Variants in CATSPERT observed in about 807,000 individuals in gnomAD.
CATSPERT encodes cation channel sperm-associated targeting subunit tau.
the CATSPERT span, among the ~76,000 whole-genome samples, chr2:201,581,591 T>TATATAC: frequency 8.4e-4 from 38 of 45,338 alleles, 1 homozygote; most frequent in South Asian, 1.9e-3. Flanking sequence ...TATATATATA[T>TATATAC]ATACACATAC....
the CATSPERT span, among the ~76,000 whole-genome samples, chr2:201,588,431 T>G: frequency 6.6e-6 from 1 of 151,622 alleles, no homozygotes; most frequent in Non-Finnish European, 1.5e-5. Flanking sequence ...ATGCAGCTAT[T>G]GAATAAAATT....
At chr2:201,582,270 T>G in the CATSPERT span, 1 of 1,498,816 alleles carries the variant, frequency 6.7e-7, no homozygotes, top group Non-Finnish European at 9.0e-7. Flanking sequence ...CCTAAATATT[T>G]CTGAACACAT....
chr2:201,527,379 G>A, the CATSPERT span, among the ~76,000 whole-genome samples: 1 of 152,084 alleles, frequency 6.6e-6, no homozygotes. Flanking sequence ...AACCACCAAT[G>A]ACATTCTTTG....
chr2:201,507,791 G>A, the CATSPERT span, among the ~76,000 whole-genome samples: 1 of 152,096 alleles, frequency 6.6e-6, no homozygotes, highest in African/African-American at 2.4e-5. Flanking sequence ...AGCATGACTG[G>A]GGGGGCCTCA....
chr2:201,526,238 G>T, the CATSPERT span, among the ~76,000 whole-genome samples: 16 of 152,188 alleles, frequency 1.1e-4, no homozygotes, highest in Admixed American at 1.0e-3. Context: ...AGCAAACTGG[G>T]CCAGGCATGG....
the CATSPERT span, chr2:201,601,941 T>G: frequency 7.0e-4 from 903 of 1,297,196 alleles, 11 homozygotes; most frequent in African/African-American, 0.012. Flanking sequence ...CAATAATACA[T>G]TATAAAATTA....
chr2:201,575,793 T>C, the CATSPERT span, among the ~76,000 whole-genome samples: 20 of 152,250 alleles, frequency 1.3e-4, no homozygotes, highest in African/African-American at 4.6e-4. Flanking sequence ...GTAATAATAA[T>C]AGAAATAAAG....
chr2:201,533,787 C>T, the CATSPERT span, among the ~76,000 whole-genome samples: 3 of 152,104 alleles, frequency 2.0e-5, no homozygotes, highest in African/African-American at 7.2e-5. Flanking sequence ...AGTCTCTTCC[C>T]ATACTGAATC....
the CATSPERT span, among the ~76,000 whole-genome samples, chr2:201,588,160 C>T: frequency 1.3e-5 from 2 of 152,002 alleles, no homozygotes; most frequent in Non-Finnish European, 2.9e-5. Context: ...GCCAGCATCA[C>T]CCTGATGAAA....
the CATSPERT span, chr2:201,511,852 A>C: frequency 1.3e-5 from 2 of 149,354 alleles, no homozygotes; most frequent in African/African-American, 2.5e-5. Flanking sequence ...CATTAAAAAA[A>C]AAAAAAAAAA....
the CATSPERT span, among the ~76,000 whole-genome samples, chr2:201,584,396 G>A: frequency 6.6e-6 from 1 of 152,096 alleles, no homozygotes; most frequent in Non-Finnish European, 1.5e-5. Context: ...TAAAAGACAT[G>A]GAAGATAGTG....
At chr2:201,516,120 C>T in the CATSPERT span, among the ~76,000 whole-genome samples, 1 of 152,156 alleles carries the variant, frequency 6.6e-6, no homozygotes, top group Admixed American at 6.5e-5. Context: ...CAAACCTGTA[C>T]ATCATGTTAC....
At chr2:201,555,242 T>A in the CATSPERT span, 1 of 152,236 alleles carries the variant, frequency 6.6e-6, no homozygotes, top group African/African-American at 2.4e-5. Context: ...CAGTCAGGCT[T>A]GGTGGCTCAC....
At chr2:201,595,229 C>T in the CATSPERT span, among the ~76,000 whole-genome samples, 2 of 150,688 alleles carry the variant, frequency 1.3e-5, no homozygotes, top group African/African-American at 4.9e-5. Flanking sequence ...CTCACTGTCG[C>T]CCAGGCTGGG....
At chr2:201,535,402 G>A in the CATSPERT span, 2 of 977,170 alleles carry the variant, frequency 2.0e-6, no homozygotes, top group African/African-American at 1.8e-5. Flanking sequence ...GTCATTTTGA[G>A]AAAGTCTATT....
the CATSPERT span, among the ~76,000 whole-genome samples, chr2:201,559,725 C>T: frequency 6.6e-6 from 1 of 152,208 alleles, no homozygotes; most frequent in East Asian, 1.9e-4. Context: ...CCACCTAGAA[C>T]CGGGCCAATG....
At chr2:201,491,984 A>C in the CATSPERT span, 1 of 1,537,048 alleles carries the variant, frequency 6.5e-7, no homozygotes, top group East Asian at 2.4e-5. Flanking sequence ...TCATTGGAAG[A>C]AGGTTGTACT....
At chr2:201,504,397 C>T in the CATSPERT span, among the ~76,000 whole-genome samples, 1 of 152,226 alleles carries the variant, frequency 6.6e-6, no homozygotes. Flanking sequence ...AGCTTGGTCA[C>T]TCTTGACACA....
At chr2:201,579,485 T>C in the CATSPERT span, among the ~76,000 whole-genome samples, 1 of 152,130 alleles carries the variant, frequency 6.6e-6, no homozygotes, top group Non-Finnish European at 1.5e-5. Context: ...GGTTTCACCA[T>C]GTTCCCCAGG....
Sources: allele counts gnomAD v4.1 joint callset (sites outside exome capture counted in the v4.1 genomes callset), GRCh38; gene constraint gnomAD v4.1.1; transcripts MANE v1.5; gene names NCBI Gene and HGNC (gene_info 2026-07-23, HGNC 2026-07-21).